SLC6A6: variants seen among roughly 807,000 people sequenced by gnomAD.
The protein encoded by SLC6A6 is sodium- and chloride-dependent taurine transporter.
Under a neutral mutation model 68.8 loss-of-function variants are expected in SLC6A6, and 16 were observed. That is an observed-to-expected ratio of 0.23 (90% CI 0.16 to 0.35). SLC6A6 has a LOEUF of 0.35. Among genes scored for constraint, SLC6A6 ranks in the 10% least tolerant of loss-of-function variants. The pLI is 1.00. For missense variants in SLC6A6, 474 were observed against 802.8 expected, an observed-to-expected ratio of 0.59 and a Z score of 4.95; for synonymous variants, 312 against 315.4, an observed-to-expected ratio of 0.99 and a Z score of 0.12.
chr3:14,405,183 C>G (rs1270581936), intron 1 of SLC6A6, among the ~76,000 whole-genome samples: 1 of 152,144 alleles, frequency 6.6e-6, no homozygotes, highest in Non-Finnish European at 1.5e-5. Context: ...GTCCTTAGGG[C>G]AGGAAAGTGA....
At chr3:14,462,712 G>A (rs941819258) in intron 6 of SLC6A6, among the ~76,000 whole-genome samples, 1 of 152,058 alleles carries the variant, frequency 6.6e-6, no homozygotes. Context: ...AAATGTAAGG[G>A]GAAACAGCAG....
intron 1 of SLC6A6, among the ~76,000 whole-genome samples, chr3:14,410,176 CAAAA>C (rs145587348): frequency 0.025 from 1,546 of 60,686 alleles, 23 homozygotes; most frequent in Middle Eastern, 0.11. Flanking sequence ...GACTCCATCT[CAAAA>C]AAAAAAAAAA....
intron 2 of SLC6A6, among the ~76,000 whole-genome samples, chr3:14,426,269 T>A (rs1194313335): frequency 6.6e-6 from 1 of 152,146 alleles, no homozygotes; most frequent in Non-Finnish European, 1.5e-5. Flanking sequence ...CTGTGCAACC[T>A]CGGTCAAGTC....
At chr3:14,465,244 G>T (rs56812505) in intron 6 of SLC6A6, among the ~76,000 whole-genome samples, 1 of 152,196 alleles carries the variant, frequency 6.6e-6, no homozygotes, top group Non-Finnish European at 1.5e-5. Flanking sequence ...CACAAACAGC[G>T]CTTGCAGGAC....
Position 14,461,921 on chromosome 3 carries a change from G to T in SLC6A6, c.732+3839G>T, listed in dbSNP as rs548749030. On this transcript the variant is annotated intron_variant, in intron 6 of 14. Transcript: ENST00000622186. ...CCCAGACACTTACCTCCCAAAGGAT[G>T]CCCGGCTCCCCCTGCTGCTCAGCCA... is the stretch of plus-strand genomic sequence containing the variant. Among the ~76,000 whole-genome samples the T allele has an allele frequency of 7.2e-5, 11 of 152,262 alleles. No individual in the cohort carries two copies. In the East Asian group the frequency reaches 1.9e-3, roughly 27 times the overall value.
intron 5 of SLC6A6, among the ~76,000 whole-genome samples, chr3:14,454,120 G>A (rs529273150): frequency 1.3e-5 from 2 of 152,322 alleles, no homozygotes; most frequent in Admixed American, 1.3e-4. Context: ...TGGCCGGGGA[G>A]CGGGAGCCCT....
chr3:14,467,013 T>TGGGAGAGTCGGGGCC (rs1333005487), intron 7 of SLC6A6, among the ~76,000 whole-genome samples: 3 of 152,294 alleles, frequency 2.0e-5, no homozygotes, highest in African/African-American at 7.2e-5. Context: ...ATCCTGGGGA[T>TGGGAGAGTCGGGGCC]GGGAGAGTCG....
chr3:14,478,356 A>C (rs914761717), intron 11 of SLC6A6, 110 bp from the exon 12 acceptor site: 21 of 705,674 alleles, frequency 3.0e-5, no homozygotes, highest in Admixed American at 7.1e-5. Context: ...GTCTTTGTCC[A>C]TTTTTCTCTT....
chr3:14,463,977 G>A (rs1213080335), intron 6 of SLC6A6, among the ~76,000 whole-genome samples: 1 of 152,210 alleles, frequency 6.6e-6, no homozygotes, highest in South Asian at 2.1e-4. Flanking sequence ...GGAAGCTGAG[G>A]CCCAGGTCAC....
At chr3:14,484,648 A>G (rs1402231783) in intron 14 of SLC6A6, among the ~76,000 whole-genome samples, 1 of 152,222 alleles carries the variant, frequency 6.6e-6, no homozygotes, top group African/African-American at 2.4e-5. Flanking sequence ...AACCACCAAC[A>G]GGAATTCCGC....
intron 1 of SLC6A6, among the ~76,000 whole-genome samples, chr3:14,410,325 T>C (rs1348042658): frequency 1.3e-5 from 2 of 152,132 alleles, no homozygotes; most frequent in African/African-American, 4.8e-5. Flanking sequence ...ACCTCAAACC[T>C]TCGGTGATAT....
intron 6 of SLC6A6, among the ~76,000 whole-genome samples, chr3:14,465,281 GA>G (rs1221548932): frequency 6.6e-6 from 1 of 152,242 alleles, no homozygotes; most frequent in Non-Finnish European, 1.5e-5. Context: ...TTTGGGAGGA[GA>G]TGGCCACATC....
At position 14,481,680 on chromosome 3, in the gene SLC6A6, A is replaced by G; in HGVS notation, c.1561A>G (p.Ile521Val). The G allele has an allele frequency of 6.2e-7, 1 of 1,607,330 alleles. No individual in the cohort carries two copies. Among genetic ancestry groups the G allele is most frequent in the East Asian group, 2.2e-5 (1 of 44,598 alleles). ...ITPVLCVGCF[I>V]FSLVKYVPLT... ...CCCCATCTCTCCGCAGGGATGTTTC[A>G]TCTTCTCGCTCGTCAAGTACGTACC... Residue 521 changes from isoleucine to valine, a missense_variant, in exon 14 of 15, where the codon ATC (isoleucine) becomes GTC (valine). By Grantham distance (29) the Ile-to-Val change is conservative (BLOSUM62 3). Around this residue, in one of 2 missense-constraint regions of SLC6A6, gnomAD observed 194 missense variants for 269.8 expected, o/e 0.72. Transcript: ENST00000622186. The surrounding 1 kb of genome is among the most constrained non-coding windows in gnomAD (Gnocchi z 4.7).
chr3:14,454,578 C>G lies in SLC6A6; in HGVS notation c.600-3372C>G, dbSNP rs578207152. On this transcript the variant is annotated intron_variant, in intron 5 of 14. Transcript: ENST00000622186. ...TGGAAAGAATGTCGGTTGCTCTGGC[C>G]CTGAGCCTGTGTCAGGCTGTGTTGT... 8.5e-5 allele frequency among the ~76,000 whole-genome samples: 13 copies of G among 152,160 alleles called. 1 individual carries two copies. The South Asian group carries it at 2.7e-3, about 32-fold the overall frequency.
Position 14,484,871 on chromosome 3 carries a change from T to TC in SLC6A6, c.1728dup (p.Lys577GlnfsTer66). 6.2e-7 allele frequency: 1 copy of TC among 1,611,596 alleles called. No homozygotes were observed. The highest frequency in any genetic ancestry group is 8.5e-7 in the Non-Finnish European group (1 of 1,179,862). ...ACTCCTGTCATCCTTCTCCAGAGAG[T>TC]CAAGTACCTGCTGACCCCAAGGGAA... On this transcript the variant is annotated frameshift_variant, in exon 15 of 15. Transcript: ENST00000622186. LOFTEE classifies it high-confidence loss of function.
intron 5 of SLC6A6, among the ~76,000 whole-genome samples, chr3:14,449,131 A>G (rs1243637348): frequency 6.6e-6 from 1 of 152,216 alleles, no homozygotes; most frequent in Non-Finnish European, 1.5e-5. Flanking sequence ...GGCCCCAGCC[A>G]TGCTTTGGGG....
intron 10 of SLC6A6, among the ~76,000 whole-genome samples, chr3:14,474,606 G>C (rs987689080): frequency 6.6e-6 from 1 of 152,178 alleles, no homozygotes; most frequent in Admixed American, 6.5e-5. Flanking sequence ...TGCAATGCCT[G>C]GGTACTATTT....
At chr3:14,463,107 C>T (rs1035658301) in intron 6 of SLC6A6, among the ~76,000 whole-genome samples, 10 of 152,176 alleles carry the variant, frequency 6.6e-5, no homozygotes, top group Admixed American at 2.6e-4. Flanking sequence ...TCCCTTCACA[C>T]GGCTGAGGTG....
In SLC6A6 at chr3:14,487,967, A is replaced by G. The variant is rs981103902; in HGVS notation, c.*2960A>G. 2 of 152,630 alleles carry G rather than the reference A, an allele frequency of 1.3e-5. No homozygotes were observed. The highest frequency in any genetic ancestry group is 2.9e-5 in the Non-Finnish European group (2 of 68,082). 9.5% of individuals were successfully genotyped at this position (152,630 alleles called of 1,614,324 possible). ...GAGCAGCAGCAGCCACACTCCCACCATCCTCACAGAATTCCTGGACCCATG... is the reference window on the plus strand; with the variant it reads ...GAGCAGCAGCAGCCACACTCCCACCGTCCTCACAGAATTCCTGGACCCATG... On this transcript the variant is annotated 3_prime_UTR_variant, in exon 15 of 15. Transcript: ENST00000622186.
Sources: gnomAD v4.1 joint callset for allele counts (sites outside exome capture counted in the v4.1 genomes callset) on GRCh38, gnomAD v4.1.1 for gene constraint, gnomAD v4.1.1 regional missense constraint, Gnocchi (gnomAD v3.1) non-coding constraint, MANE v1.5 for transcripts, NCBI Gene and HGNC (gene_info 2026-07-23, HGNC 2026-07-21) for gene names.